The following SORCS2 variants were observed in gnomAD, a reference collection of about 807,000 sequenced individuals.
SORCS2 encodes VPS10 domain-containing receptor SorCS2.
In SORCS2, 100 loss-of-function variants were observed where a neutral mutation model predicts 141.6. That is an observed-to-expected ratio of 0.71 (90% confidence interval 0.60 to 0.83). SORCS2 has a LOEUF of 0.83. SORCS2 is among the 40% of genes least tolerant of loss of function. The pLI, the probability that SORCS2 is intolerant of heterozygous loss-of-function variation, is 0.00. For synonymous variants in SORCS2, 789 were observed against 676.9 expected, an observed-to-expected ratio of 1.17 and a Z score of -2.57; for missense variants, 1,646 against 1,560.2, an observed-to-expected ratio of 1.05 and a Z score of -0.93.
At chr4:7,532,251 C>T (rs1711724463) in intron 3 of SORCS2, among the ~76,000 whole-genome samples, 1 of 152,216 alleles carries the variant, frequency 6.6e-6, no homozygotes, top group South Asian at 2.1e-4. Context: ...CAGGGCAAAG[C>T]TGTCCTGTGA....
intron 6 of SORCS2, among the ~76,000 whole-genome samples, chr4:7,662,233 TC>T (rs1722223912): frequency 1.4e-5 from 1 of 70,166 alleles, no homozygotes; most frequent in Non-Finnish European, 3.1e-5. Flanking sequence ...CTCCCCCCCC[TC>T]CCCCACCCCC....
chr4:7,410,189 G>A (rs1725212642), intron 2 of SORCS2, among the ~76,000 whole-genome samples: 1 of 152,218 alleles, frequency 6.6e-6, no homozygotes, highest in African/African-American at 2.4e-5. Context: ...CCCCCATAAT[G>A]TTGGAGCAAA....
At chr4:7,492,304 T>C (rs1731364164) in intron 2 of SORCS2, among the ~76,000 whole-genome samples, 1 of 152,254 alleles carries the variant, frequency 6.6e-6, no homozygotes, top group South Asian at 2.1e-4. Context: ...TTTAAGAAGT[T>C]GAACCTATGA....
At chr4:7,578,099 A>G (rs946598776) in intron 3 of SORCS2, among the ~76,000 whole-genome samples, 2 of 152,194 alleles carry the variant, frequency 1.3e-5, no homozygotes, top group Non-Finnish European at 2.9e-5. Context: ...TCATGAATAG[A>G]TTAATGTCCT....
At chr4:7,627,065 A>G (rs1719558499) in intron 3 of SORCS2, among the ~76,000 whole-genome samples, 4 of 152,174 alleles carry the variant, frequency 2.6e-5, no homozygotes, top group Non-Finnish European at 2.9e-5. Context: ...AGCTCACTGC[A>G]ACCTCTGCCT....
chr4:7,505,669 C>A (rs1732232825), intron 2 of SORCS2, among the ~76,000 whole-genome samples: 1 of 152,102 alleles, frequency 6.6e-6, no homozygotes, highest in African/African-American at 2.4e-5. Flanking sequence ...CTCAGATACC[C>A]CCGAGAGCCT....
intron 11 of SORCS2, among the ~76,000 whole-genome samples, chr4:7,692,841 C>T (rs113155829): frequency 0.029 from 4,470 of 152,204 alleles, 209 homozygotes; most frequent in African/African-American, 0.099. Flanking sequence ...GGGAGTGCCG[C>T]GCTGGGGTCT....
At chr4:7,477,040 T>C (rs1730341489) in intron 2 of SORCS2, among the ~76,000 whole-genome samples, 1 of 152,236 alleles carries the variant, frequency 6.6e-6, no homozygotes, top group Non-Finnish European at 1.5e-5. Context: ...GGCCAGGTTC[T>C]GACTCCTCCC....
At position 7,483,418 on chromosome 4, in the gene SORCS2, G is replaced by A. The variant is rs1242215797; in HGVS notation, c.549-48112G>A. Among the ~76,000 whole-genome samples the A allele has an allele frequency of 9.2e-5, 14 of 152,122 alleles. No individual in the cohort carries two copies. In the East Asian group the frequency reaches 2.5e-3, roughly 27 times the overall value. Reference sequence around the variant, plus strand: ...GGCAGCTGCCAGCCAAAGAACGCAGGAGTTTGCCCACCATGCCAGATGCTA... The same window carrying A: ...GGCAGCTGCCAGCCAAAGAACGCAGAAGTTTGCCCACCATGCCAGATGCTA... On this transcript the variant is annotated intron_variant, in intron 2 of 26. Coordinates refer to ENST00000507866, the MANE Select transcript of SORCS2 (RefSeq NM_020777.3).
At chr4:7,632,693 C>A (rs1264766961) in intron 3 of SORCS2, among the ~76,000 whole-genome samples, 1 of 152,180 alleles carries the variant, frequency 6.6e-6, no homozygotes, top group Non-Finnish European at 1.5e-5. Flanking sequence ...CCCAGAGCCC[C>A]CCGGCTGTGT....
In SORCS2 at chr4:7,689,562, C is replaced by T; in HGVS notation, c.1565C>T (p.Thr522Ile). 6.2e-7 allele frequency: 1 copy of T among 1,602,290 alleles called. No homozygotes were observed. The highest frequency in any genetic ancestry group is 8.5e-7 in the Non-Finnish European group (1 of 1,174,966). The change falls in exon 11 of 27, where the codon ACC becomes ATC. Residue 522 changes from threonine (T) to isoleucine (I), a missense_variant. Thr to Ile is a moderately conservative substitution (Grantham distance 89, BLOSUM62 -1). Coordinates refer to ENST00000507866, the MANE Select transcript of SORCS2 (RefSeq NM_020777.3). ...YVSGTVHTKDTAPGLIMGAGN... is the reference protein window; with the variant it reads ...YVSGTVHTKDIAPGLIMGAGN... Reference sequence around the variant, plus strand: ...TCAGGCACCGTGCACACCAAGGACACCGCCCCAGGCCTCATCATGGGTGCA... The same window carrying T: ...TCAGGCACCGTGCACACCAAGGACATCGCCCCAGGCCTCATCATGGGTGCA...
chr4:7,658,175 G>A (rs1212172950), intron 5 of SORCS2, among the ~76,000 whole-genome samples: 6 of 152,106 alleles, frequency 3.9e-5, no homozygotes, highest in Admixed American at 2.6e-4. Context: ...GAGTGAGTGA[G>A]TCTGTGATTG....
At chr4:7,330,167 C>A (rs942026162) in intron 1 of SORCS2, among the ~76,000 whole-genome samples, 1 of 151,800 alleles carries the variant, frequency 6.6e-6, no homozygotes, top group East Asian at 2.0e-4. Flanking sequence ...TCTCCCTCTT[C>A]CTCCTGCTCT....
intron 3 of SORCS2, among the ~76,000 whole-genome samples, chr4:7,622,471 C>A (rs1291034922): frequency 6.6e-6 from 1 of 152,188 alleles, no homozygotes; most frequent in Admixed American, 6.5e-5. Context: ...TGCAGTGATT[C>A]CAGCATCAGA....
At chr4:7,428,406 G>A (rs1054604158) in intron 2 of SORCS2, among the ~76,000 whole-genome samples, 5 of 152,212 alleles carry the variant, frequency 3.3e-5, no homozygotes, top group African/African-American at 1.2e-4. Flanking sequence ...ACAGGACTGT[G>A]GCAGAGACCA....
chr4:7,197,482 C>T (rs1233808556), intron 1 of SORCS2, among the ~76,000 whole-genome samples: 1 of 152,112 alleles, frequency 6.6e-6, no homozygotes, highest in Non-Finnish European at 1.5e-5. Context: ...AAGTGTCACC[C>T]TCCCCCGATA....
intron 19 of SORCS2, among the ~76,000 whole-genome samples, chr4:7,724,492 GTGGTGACAA>G (rs1577122270): frequency 6.1e-4 from 87 of 142,084 alleles, no homozygotes; most frequent in East Asian, 1.7e-3. Context: ...GATGGTGGTG[GTGGTGACAA>G]TGGTGGTGGT....
At chr4:7,529,124 C>G (rs914493025) in intron 2 of SORCS2, among the ~76,000 whole-genome samples, 2 of 152,176 alleles carry the variant, frequency 1.3e-5, no homozygotes, top group African/African-American at 4.8e-5. Context: ...GTTCTGGGTG[C>G]ACAGGAATTT....
chr4:7,434,797 T>C lies in SORCS2; in HGVS notation c.548+38442T>C. The C allele has an allele frequency of 3.1e-6, 5 of 1,610,264 alleles. No homozygotes were observed. The South Asian group carries it at 4.4e-5, about 14-fold the overall frequency. On this transcript the variant is annotated intron_variant, in intron 2 of 26. Coordinates refer to ENST00000507866, the MANE Select transcript of SORCS2 (RefSeq NM_020777.3). ...ATCCTGACACCACACCGTGGAGCCC[T>C]TTGCACACTCCTGGGGGCCTGAGGT...
Sources: gnomAD v4.1 joint callset for allele counts (sites outside exome capture counted in the v4.1 genomes callset) on GRCh38, gnomAD v4.1.1 for gene constraint, MANE v1.5 for transcripts, NCBI Gene and HGNC (gene_info 2026-07-23, HGNC 2026-07-21) for gene names.